Variants in FKBP10 observed in about 807,000 individuals in gnomAD.
FKBP10 encodes FKBP prolyl isomerase 10, also known as peptidyl-prolyl cis-trans isomerase FKBP10.
Under a neutral mutation model 53.7 loss-of-function variants are expected in FKBP10, and 34 were observed. That is an observed-to-expected ratio of 0.63 (90% confidence interval 0.48 to 0.84). FKBP10 has a LOEUF of 0.84. FKBP10 is among the 40% of genes least tolerant of loss of function. The probability of loss-of-function intolerance (pLI) is 0.00; values close to 1 mark genes in which losing one functional copy is unlikely to be tolerated. For missense variants in FKBP10, 748 were observed against 797.8 expected, an observed-to-expected ratio of 0.94 and a Z score of 0.75; for synonymous variants, 324 against 335.7, an observed-to-expected ratio of 0.97 and a Z score of 0.38.
intron 6 of FKBP10, 86 bp downstream of exon 6, chr17:41,819,761 AGGCACCGCTC>A: frequency 6.5e-7 from 1 of 1,549,232 alleles, no homozygotes; most frequent in South Asian, 1.2e-5. Flanking sequence ...GTGGGATTCC[AGGCACCGCTC>A]GGCCCCTCTC....
chr17:41,817,992 G>A (rs2047837137), intron 2 of FKBP10, 97 bp from the exon 3 acceptor site: 2 of 1,305,000 alleles, frequency 1.5e-6, no homozygotes, highest in Non-Finnish European at 2.1e-6. Context: ...GGGTCTCTTG[G>A]TGCTGGGATG....
chr17:41,813,004 C>T lies in FKBP10; in HGVS notation c.-31C>T, dbSNP rs782306336. 1.9e-6 allele frequency: 3 copies of T among 1,608,340 alleles called. No individual in the cohort carries two copies. The highest frequency in any genetic ancestry group is 2.7e-5 in the African/African-American group (2 of 74,838). On this transcript the variant is annotated 5_prime_UTR_variant, in exon 1 of 10. Coordinates refer to ENST00000321562, the MANE Select transcript of FKBP10 (RefSeq NM_021939.4). The stretch of plus-strand genomic sequence containing the variant: ...GTTGGTGGCGACTCCCTCGCTCGCC[C>T]TCACTGCCGGCGGTCCCAACTCCAG...
chr17:41,818,445 C>T lies in FKBP10; in HGVS notation c.645C>T (p.Asp215=), dbSNP rs2047844167. 1 of 1,614,146 alleles carries T rather than the reference C, an allele frequency of 6.2e-7. No homozygotes were observed. Among genetic ancestry groups the T allele is most frequent in the African/African-American group, 1.3e-5 (1 of 75,022 alleles). Residue 215 remains aspartate (D), a synonymous_variant, in exon 4 of 10, where the codon GAC becomes GAT. Coordinates refer to ENST00000321562, the MANE Select transcript of FKBP10 (RefSeq NM_021939.4). The part of the protein sequence containing the change: ...VGSGWLIKGM[D]QGLLGMCPGE... ...CTGGTTGGCTGATCAAGGGCATGGA[C>T]CAGGGGCTGCTGGGCATGTGTCCTG...
intron 6 of FKBP10, 34 bp from the exon 7 acceptor site, chr17:41,820,235 C>T: frequency 6.2e-7 from 1 of 1,611,776 alleles, no homozygotes; most frequent in Non-Finnish European, 8.5e-7. Context: ...TCCTAGTGCT[C>T]TGAGCTGACC....
Position 41,821,713 on chromosome 17 carries a change from G to A in FKBP10, c.1459G>A (p.Asp487Asn). 1.2e-6 allele frequency: 2 copies of A among 1,614,140 alleles called. No individual in the cohort carries two copies. Among genetic ancestry groups the A allele is most frequent in the South Asian group, 2.2e-5 (2 of 91,082 alleles). Residue 487 changes from aspartate (D) to asparagine (N), a missense_variant, in exon 9 of 10, where the codon GAT (aspartate) becomes AAT (asparagine). Asp to Asn is a conservative substitution (Grantham distance 23). Transcript: ENST00000321562. ...TGAGGTGGAGCTGGTGTCCCGGGAG[G>A]ATGGGCTGCCCACAGGCTACCTGTT... ...LFEVELVSRE[D>N]GLPTGYLFVW...
At position 41,813,120 on chromosome 17, in the gene FKBP10, G is replaced by T; in HGVS notation, c.86G>T (p.Arg29Met). 2 of 1,611,512 alleles carry T rather than the reference G, an allele frequency of 1.2e-6. No individual in the cohort carries two copies. The highest frequency in any genetic ancestry group is 1.7e-6 in the Non-Finnish European group (2 of 1,179,704). Residue 29 changes from arginine to methionine, a missense_variant, in exon 1 of 10, where the codon AGG (arginine) becomes ATG (methionine). By Grantham distance (91) the Arg-to-Met change is moderately conservative. Coordinates refer to ENST00000321562, the MANE Select transcript of FKBP10 (RefSeq NM_021939.4). ...LLLLVVQAVGRGLGRASPAGG... is the reference protein window; with the variant it reads ...LLLLVVQAVGMGLGRASPAGG... ...CTACTGGTGGTGCAGGCCGTGGGGA[G>T]GGGGCTGGGCCGCGCCAGCCCGGCC...
At chr17:41,818,564 G>A in intron 4 of FKBP10, 37 bp downstream of exon 4, 1 of 1,613,450 alleles carries the variant, frequency 6.2e-7, no homozygotes, top group African/African-American at 1.3e-5. Flanking sequence ...AAATTCCGCA[G>A]AAGAGGGAAA....
Position 41,819,318 on chromosome 17 carries a change from G to A in FKBP10, c.836G>A (p.Cys279Tyr), listed in dbSNP as rs201214666. 169 of 1,613,988 alleles carry A rather than the reference G, an allele frequency of 1.0e-4. No homozygotes were observed. The highest frequency in any genetic ancestry group is 1.3e-4 in the Non-Finnish European group (151 of 1,180,036). Reference protein sequence around the residue: ...QLETLELPPGCVRRAGAGDFM... With the variant: ...QLETLELPPGYVRRAGAGDFM... ...GAGACGCTGGAGCTCCCCCCCGGCTGTGTCCGCAGAGCCGGGGCCGGGGAC... is the reference window on the plus strand; with the variant it reads ...GAGACGCTGGAGCTCCCCCCCGGCTATGTCCGCAGAGCCGGGGCCGGGGAC... Residue 279 changes from cysteine to tyrosine, a missense_variant, in exon 5 of 10, where the codon TGT becomes TAT. Coordinates refer to ENST00000321562, the MANE Select transcript of FKBP10 (RefSeq NM_021939.4).
At chr17:41,817,307 C>A in intron 2 of FKBP10, 104 bp downstream of exon 2, 1 of 1,452,912 alleles carries the variant, frequency 6.9e-7, no homozygotes, top group South Asian at 1.2e-5. Context: ...AGTGACTTGC[C>A]CAATGTCACA....
intron 9 of FKBP10, 25 bp from the exon 10 acceptor site, chr17:41,822,198 C>G (rs1424688442): frequency 2.0e-5 from 32 of 1,604,824 alleles, no homozygotes; most frequent in Non-Finnish European, 2.6e-5. Context: ...TCACTGCCCG[C>G]TCCCCCGGCT....
chr17:41,818,241 A>G lies in FKBP10; in HGVS notation c.544A>G (p.Asn182Asp). Residue 182 changes from asparagine to aspartate, a missense_variant, in exon 3 of 10, where the codon AAT (asparagine) becomes GAT (aspartate). Coordinates refer to ENST00000321562, the MANE Select transcript of FKBP10 (RefSeq NM_021939.4). ...CGGCGACTTTGTCCGCTACCACTAC[A>G]ATGGCACCCTGCTGGACGGCACCTC... is the stretch of plus-strand genomic sequence containing the variant. ...QDGDFVRYHY[N>D]GTLLDGTSFD... 6.2e-7 allele frequency: 1 copy of G among 1,613,592 alleles called. No individual in the cohort carries two copies. Among genetic ancestry groups the G allele is most frequent in the East Asian group, 2.2e-5 (1 of 44,880 alleles).
chr17:41,818,614 C>T, intron 4 of FKBP10, 87 bp downstream of exon 4: 1 of 1,537,736 alleles, frequency 6.5e-7, no homozygotes, highest in South Asian at 1.2e-5. Flanking sequence ...TTGTATACTG[C>T]ACGAGGGCAT....
intron 2 of FKBP10, 50 bp downstream of exon 2, chr17:41,817,253 A>G (rs782208691): frequency 1.4e-5 from 23 of 1,602,652 alleles, no homozygotes; most frequent in Non-Finnish European, 1.8e-5. Flanking sequence ...CACGAGGCAG[A>G]ATCAGGGATC....
intron 9 of FKBP10, 121 bp from the exon 10 acceptor site, chr17:41,822,102 T>C: frequency 1.9e-6 from 2 of 1,046,462 alleles, no homozygotes; most frequent in South Asian, 1.4e-5. Flanking sequence ...AGTTACAGGG[T>C]GCGGGGGAGC....
rs1245832310 is a variant in FKBP10 at position 41,818,827 on chromosome 17, C to T, written c.727+300C>T. 6 of 426,742 alleles carry T rather than the reference C, an allele frequency of 1.4e-5. No individual in the cohort carries two copies. In the East Asian group the frequency reaches 1.5e-4, roughly 11 times the overall value. 26.4% of individuals were successfully genotyped at this position (426,742 alleles called of 1,614,324 possible). On this transcript the variant is annotated intron_variant, in intron 4 of 9. Coordinates refer to ENST00000321562, the MANE Select transcript of FKBP10 (RefSeq NM_021939.4). Reference sequence around the variant, plus strand: ...AAAAATTAGCCGGGCGTGGTGGGGGCGCCTGTAGTCCCAGCTACTCGGAGA... The same window carrying T: ...AAAAATTAGCCGGGCGTGGTGGGGGTGCCTGTAGTCCCAGCTACTCGGAGA...
intron 1 of FKBP10, among the ~76,000 whole-genome samples, chr17:41,814,837 A>G (rs1376658115): frequency 6.6e-6 from 1 of 152,084 alleles, no homozygotes; most frequent in Non-Finnish European, 1.5e-5. Context: ...GGTTCAAGCA[A>G]TTCTCCTGCT....
chr17:41,819,375 T>C lies in FKBP10; in HGVS notation c.893T>C (p.Met298Thr), dbSNP rs782390585. The C allele has an allele frequency of 2.5e-6, 4 of 1,604,012 alleles. No homozygotes were observed. In the South Asian group the frequency reaches 4.4e-5, roughly 18 times the overall value. The change falls in exon 5 of 10, where the codon ATG (methionine) becomes ACG (threonine). Residue 298 changes from methionine to threonine, a missense_variant. Met to Thr is a moderately conservative substitution (Grantham distance 81, BLOSUM62 -1). Transcript: ENST00000321562. The part of the protein sequence containing the change: ...FMRYHYNGSL[M>T]DGTLFDSSYS... ...CGCTACCACTACAATGGCTCCTTGA[T>C]GGACGGCACCCTCTTCGATTCCAGG...
In FKBP10 at chr17:41,819,560, T is replaced by C. The variant is rs782629921; in HGVS notation, c.948T>C (p.Tyr316=). The change falls in exon 6 of 10, where the codon TAT becomes TAC. Residue 316 remains tyrosine (Y), a synonymous_variant. Coordinates refer to ENST00000321562, the MANE Select transcript of FKBP10 (RefSeq NM_021939.4). ...SYSRNHTYNT[Y]IGQGYIIPGM... ...CCCGCAACCACACCTACAATACCTA[T>C]ATCGGGCAGGGTTACATCATCCCCG... 4 of 1,614,064 alleles carry C rather than the reference T, an allele frequency of 2.5e-6. No individual in the cohort carries two copies. The highest frequency in any genetic ancestry group is 1.1e-5 in the South Asian group (1 of 91,070).
intron 6 of FKBP10, chr17:41,819,948 T>C (rs1393274692): frequency 2.0e-6 from 3 of 1,531,152 alleles, no homozygotes; most frequent in Non-Finnish European, 2.6e-6. Flanking sequence ...AGAACCAGCA[T>C]ACCCCCAGGA....
Sources: allele counts gnomAD v4.1 joint callset (sites outside exome capture counted in the v4.1 genomes callset), GRCh38; gene constraint gnomAD v4.1.1; transcripts MANE v1.5; gene names NCBI Gene and HGNC (gene_info 2026-07-23, HGNC 2026-07-21).